CCNH: variants seen among roughly 807,000 people sequenced by gnomAD.
The protein encoded by CCNH is cyclin-H.
In CCNH, 31 loss-of-function variants were observed where a neutral mutation model predicts 41.9. That is an observed-to-expected ratio of 0.74 (90% CI 0.56 to 1.00). CCNH has a LOEUF of 1.00. CCNH is among the 50% of genes least tolerant of loss of function. The pLI, the probability that CCNH is intolerant of heterozygous loss-of-function variation, is 0.00. For synonymous variants in CCNH, 138 were observed against 136.1 expected, an observed-to-expected ratio of 1.01 and a Z score of -0.10; for missense variants, 362 against 388.4, an observed-to-expected ratio of 0.93 and a Z score of 0.57.
chr5:87,382,178 C>T (rs969229807), upstream of CCNH, among the ~76,000 whole-genome samples: 3 of 152,194 alleles, frequency 2.0e-5, no homozygotes, highest in Non-Finnish European at 2.9e-5. Flanking sequence ...TCTTGAACTC[C>T]TGGCCTCAGG....
At chr5:87,376,907 A>G in exon 1 of CCNH, 1 of 1,609,598 alleles carries the variant, frequency 6.2e-7, no homozygotes, top group Non-Finnish European at 8.5e-7. Context: ...AACTTCATGT[A>G]GTCTATGCTT....
intron 6 of CCNH, among the ~76,000 whole-genome samples, chr5:87,400,373 A>T (rs953596889): frequency 2.0e-5 from 3 of 152,248 alleles, no homozygotes; most frequent in African/African-American, 7.2e-5. Context: ...TTCATTTTAA[A>T]ACAAGTGGAG....
chr5:87,411,065 A>G lies in CCNH; in HGVS notation c.240+159T>C, dbSNP rs567395768. 1.0e-3 allele frequency among the ~76,000 whole-genome samples: 152 copies of G among 152,354 alleles called. 1 individual carries two copies. Among genetic ancestry groups the G allele is most frequent in the African/African-American group, 3.6e-3 (151 of 41,578 alleles). ...TTTTGAAGATATGATACAGCAACTCATGATTTAAGGCCTGTATTGAAAAAT... is the reference window on the plus strand; with the variant it reads ...TTTTGAAGATATGATACAGCAACTCGTGATTTAAGGCCTGTATTGAAAAAT... On this transcript the variant is annotated intron_variant, in intron 2 of 8. Coordinates refer to ENST00000256897, the MANE Select transcript of CCNH (RefSeq NM_001239.4).
intron 9 of CCNH, among the ~76,000 whole-genome samples, chr5:87,368,045 A>G (rs1431794585): frequency 6.6e-6 from 1 of 152,100 alleles, no homozygotes; most frequent in Non-Finnish European, 1.5e-5. Context: ...TCAGTTTTAG[A>G]AAACTCTTGG....
At chr5:87,384,867 G>A (rs1323146490) in intron 9 of CCNH, among the ~76,000 whole-genome samples, 1 of 152,024 alleles carries the variant, frequency 6.6e-6, no homozygotes, top group Non-Finnish European at 1.5e-5. Flanking sequence ...AGCTTTAAGC[G>A]AATTATTTGG....
chr5:87,340,552 C>T (rs540425583), intron 9 of CCNH, among the ~76,000 whole-genome samples: 1 of 151,858 alleles, frequency 6.6e-6, no homozygotes, highest in East Asian at 1.9e-4. Context: ...CCATTTTTCT[C>T]CATAATAGTG....
intron 2 of CCNH, among the ~76,000 whole-genome samples, chr5:87,410,462 T>C (rs1764147592): frequency 2.0e-5 from 3 of 152,056 alleles, no homozygotes. Context: ...AATTTTTTTT[T>C]CAACTATAAA....
At chr5:87,378,665 C>T, upstream of CCNH, 1 of 971,586 alleles carries the variant, frequency 1.0e-6, no homozygotes, top group South Asian at 1.5e-5. Flanking sequence ...AGCAGTTACA[C>T]CTGTCTGTAA....
chr5:87,335,419 GTT>G (rs34986349), intron 9 of CCNH, among the ~76,000 whole-genome samples: 2,076 of 72,886 alleles, frequency 0.028, 10 homozygotes, highest in African/African-American at 0.071. Context: ...AAAGAATGAG[GTT>G]TTTTTTTTTT....
At chr5:87,380,146 T>G (rs1282510456), upstream of CCNH, among the ~76,000 whole-genome samples, 1 of 152,164 alleles carries the variant, frequency 6.6e-6, no homozygotes, top group Non-Finnish European at 1.5e-5. Flanking sequence ...CCATTTAGTC[T>G]ATACTTGATA....
chr5:87,340,663 T>C (rs1461389685), intron 9 of CCNH, among the ~76,000 whole-genome samples: 1 of 152,072 alleles, frequency 6.6e-6, no homozygotes, highest in South Asian at 2.1e-4. Context: ...AAAGTAGAAG[T>C]TGATGTTCAC....
intron 2 of CCNH, among the ~76,000 whole-genome samples, chr5:87,410,309 T>C (rs976575630): frequency 1.3e-4 from 20 of 152,210 alleles, no homozygotes; most frequent in Admixed American, 5.2e-4. Flanking sequence ...ATTTACTGCC[T>C]CATTTTACAG....
At chr5:87,369,986 A>C in intron 9 of CCNH, 1 of 1,137,170 alleles carries the variant, frequency 8.8e-7, no homozygotes, top group Non-Finnish European at 1.3e-6. Flanking sequence ...GATCGCATTC[A>C]AGATAAAGTG....
At chr5:87,314,146 C>T (rs947846023), downstream of CCNH, among the ~76,000 whole-genome samples, 3 of 151,960 alleles carry the variant, frequency 2.0e-5, no homozygotes, top group Non-Finnish European at 4.4e-5. Flanking sequence ...GCACTCCAGC[C>T]TGGGCAACAA....
At chr5:87,345,372 C>G (rs1234886617) in intron 9 of CCNH, among the ~76,000 whole-genome samples, 2 of 151,932 alleles carry the variant, frequency 1.3e-5, no homozygotes, top group Non-Finnish European at 2.9e-5. Flanking sequence ...GAATTTTTTT[C>G]AAACTGTAGA....
chr5:87,401,742 C>G lies in CCNH; in HGVS notation c.720G>C (p.Glu240Asp). Reference protein sequence around the residue: ...SYLSESLMLKENRTCLSQLLD... With the variant: ...SYLSESLMLKDNRTCLSQLLD... ...GTAACTGTGACAGGCAAGTTCTGTT[C>G]TCTTTCAGCATCAGACTCTCTGATA... is the stretch of plus-strand genomic sequence containing the variant. The change falls in exon 6 of 9, where the codon GAG becomes GAC. Residue 240 changes from glutamate to aspartate, a missense_variant. By Grantham distance (45) the Glu-to-Asp change is conservative. Transcript: ENST00000256897. The G allele has an allele frequency of 6.3e-7, 1 of 1,590,888 alleles. No individual in the cohort carries two copies. Among genetic ancestry groups the G allele is most frequent in the East Asian group, 2.3e-5 (1 of 44,342 alleles).
chr5:87,392,168 G>C, downstream of CCNH: 3 of 428,118 alleles, frequency 7.0e-6, no homozygotes, highest in South Asian at 3.4e-5. Flanking sequence ...GGTAATCAAA[G>C]TGAGTGAGAC....
At chr5:87,351,469 A>T (rs1759271050) in intron 9 of CCNH, among the ~76,000 whole-genome samples, 1 of 151,694 alleles carries the variant, frequency 6.6e-6, no homozygotes, top group African/African-American at 2.4e-5. Context: ...GACAATATTA[A>T]CATTTATCTA....
At chr5:87,326,791 G>T (rs1479850771) in intron 9 of CCNH, among the ~76,000 whole-genome samples, 1 of 151,894 alleles carries the variant, frequency 6.6e-6, no homozygotes, top group African/African-American at 2.4e-5. Context: ...GGCACTTGCA[G>T]CCCCAATTAA....
Sources: allele counts gnomAD v4.1 joint callset (sites outside exome capture counted in the v4.1 genomes callset), GRCh38; gene constraint gnomAD v4.1.1; transcripts MANE v1.5; gene names NCBI Gene and HGNC (gene_info 2026-07-23, HGNC 2026-07-21).